GLI3: variants seen among roughly 807,000 people sequenced by gnomAD.
GLI3 encodes transcription activator GLI3.
GLI3 carries 20 observed loss-of-function variants against 100.8 expected under a neutral mutation model. The ratio of observed to expected loss-of-function variants is 0.20; its 90% CI spans 0.14 to 0.29. The LOEUF (loss-of-function observed/expected upper bound fraction) is 0.29. Among genes scored for constraint, GLI3 ranks in the 10% least tolerant of loss-of-function variants. The pLI is 1.00. For synonymous variants in GLI3, 938 were observed against 860.5 expected, an observed-to-expected ratio of 1.09 and a Z score of -1.58; for missense variants, 2,040 against 2,128.5, an observed-to-expected ratio of 0.96 and a Z score of 0.82.
At chr7:42,259,407 A>G (rs761812192) in intron 1 of GLI3, among the ~76,000 whole-genome samples, 1 of 152,222 alleles carries the variant, frequency 6.6e-6, no homozygotes, top group Non-Finnish European at 1.5e-5. Flanking sequence ...GTGCTTAAGA[A>G]TGTAGCTGTT....
intron 10 of GLI3, among the ~76,000 whole-genome samples, chr7:42,010,570 C>T (rs1256220911): frequency 3.9e-5 from 6 of 152,086 alleles, no homozygotes; most frequent in African/African-American, 9.7e-5. Context: ...GTGTTATATT[C>T]GCTTTCAATG....
chr7:42,059,155 G>A (rs1784518782), intron 4 of GLI3, among the ~76,000 whole-genome samples: 1 of 152,032 alleles, frequency 6.6e-6, no homozygotes. Flanking sequence ...TGAACCAAAT[G>A]GCAGATGACA....
In GLI3 at chr7:41,966,348, C is replaced by T; in HGVS notation, c.2725G>A (p.Ala909Thr). The T allele has an allele frequency of 6.2e-7, 1 of 1,608,124 alleles. No individual in the cohort carries two copies. Among genetic ancestry groups the T allele is most frequent in the Non-Finnish European group, 8.5e-7 (1 of 1,179,238 alleles). ...STDASRRSSE[A>T]SQSDGLPSLL... Reference sequence around the variant, plus strand: ...CTGGGCAGGCCGTCGCTCTGGCTGGCTTCGCTGGAGCGGCGCGAGGCGTCG... The same window carrying T: ...CTGGGCAGGCCGTCGCTCTGGCTGGTTTCGCTGGAGCGGCGCGAGGCGTCG... The change falls in exon 15 of 15, where the codon GCC (alanine) becomes ACC (threonine). Residue 909 changes from alanine to threonine, a missense_variant. By Grantham distance (58) the Ala-to-Thr change is moderately conservative. Coordinates refer to ENST00000395925, the MANE Select transcript of GLI3 (RefSeq NM_000168.6). This position sits in a 1 kb window ranked among gnomAD's most constrained non-coding sequence, Gnocchi z 5.8.
At chr7:42,211,728 C>T (rs113701142) in intron 2 of GLI3, among the ~76,000 whole-genome samples, 8 of 152,300 alleles carry the variant, frequency 5.3e-5, no homozygotes, top group African/African-American at 1.9e-4. Context: ...GTATTCATAA[C>T]TGCCACGCCA....
At chr7:42,122,400 A>C (rs1463165554) in intron 3 of GLI3, among the ~76,000 whole-genome samples, 1 of 152,142 alleles carries the variant, frequency 6.6e-6, no homozygotes, top group Non-Finnish European at 1.5e-5. Flanking sequence ...TGGAACAGGA[A>C]ACTAGACTGT....
chr7:42,233,482 A>C (rs1403561403), intron 1 of GLI3, among the ~76,000 whole-genome samples: 1 of 152,226 alleles, frequency 6.6e-6, no homozygotes, highest in African/African-American at 2.4e-5. Context: ...AGTTAAACAC[A>C]AATGCATAGA....
chr7:42,064,948 G>T (rs549464867), intron 4 of GLI3, among the ~76,000 whole-genome samples: 1 of 152,144 alleles, frequency 6.6e-6, no homozygotes, highest in East Asian at 1.9e-4. Flanking sequence ...GCTCACAGAG[G>T]TCAGACCCCA....
rs770430876 is a variant in GLI3 at position 41,965,958 on chromosome 7, C to T, written c.3115G>A (p.Ala1039Thr). 3.1e-6 allele frequency: 5 copies of T among 1,610,680 alleles called. No individual in the cohort carries two copies. The South Asian group carries it at 4.4e-5, about 14-fold the overall frequency. The stretch of plus-strand genomic sequence containing the variant: ...TGAAGCACGAGACTGCGCTTCTCCG[C>T]GGACGTGGCCATCGCCGGGGGGTTG... ...SCNPPAMATS[A>T]EKRSLVLQNY... Residue 1039 changes from alanine to threonine, a missense_variant, in exon 15 of 15, where the codon GCG (alanine) becomes ACG (threonine). Transcript: ENST00000395925.
At chr7:42,017,986 A>G (rs1218329447) in intron 10 of GLI3, among the ~76,000 whole-genome samples, 1 of 152,148 alleles carries the variant, frequency 6.6e-6, no homozygotes, top group African/African-American at 2.4e-5. Context: ...ATAACGTTCT[A>G]AGGGGTCAAA....
rs1416002897 is a variant in GLI3 at position 42,038,879 on chromosome 7, GT to G, written c.1028+1158del. Among the ~76,000 whole-genome samples the G allele has an allele frequency of 5.9e-5, 9 of 152,254 alleles. No individual in the cohort carries two copies. In the South Asian group the frequency reaches 1.0e-3, roughly 18 times the overall value. On this transcript the variant is annotated intron_variant, in intron 7 of 14. Coordinates refer to ENST00000395925, the MANE Select transcript of GLI3 (RefSeq NM_000168.6). ...ACACTTTTTTTTCTGAACTGATGAA[GT>G]TTCCCTAATTGTAATCTACCATGGA...
intron 2 of GLI3, chr7:42,172,714 G>A: frequency 1.5e-6 from 1 of 684,582 alleles, no homozygotes; most frequent in Non-Finnish European, 2.7e-6. Flanking sequence ...GTTTTCAGCA[G>A]TGGAGCTGAG....
chr7:41,999,260 T>C (rs1788220081), intron 10 of GLI3, among the ~76,000 whole-genome samples: 1 of 152,178 alleles, frequency 6.6e-6, no homozygotes, highest in African/African-American at 2.4e-5. Context: ...CATCACTGTA[T>C]GCACAACAGC....
At chr7:42,114,725 G>A (rs1468832719) in intron 3 of GLI3, among the ~76,000 whole-genome samples, 3 of 152,030 alleles carry the variant, frequency 2.0e-5, no homozygotes, top group African/African-American at 7.2e-5. Context: ...TTTGTGAGAT[G>A]GAGTCTTGCC....
intron 10 of GLI3, among the ~76,000 whole-genome samples, chr7:41,999,318 G>A (rs998313624): frequency 1.3e-5 from 2 of 152,138 alleles, no homozygotes; most frequent in African/African-American, 2.4e-5. Flanking sequence ...ACAGAGCAGC[G>A]TAGTCTTGAC....
chr7:42,119,517 C>T (rs1785944598), intron 3 of GLI3, among the ~76,000 whole-genome samples: 1 of 152,174 alleles, frequency 6.6e-6, no homozygotes, highest in Non-Finnish European at 1.5e-5. Context: ...GGTTCTTACC[C>T]TAGGCATTAA....
chr7:42,194,442 G>A (rs1024034327), intron 2 of GLI3, among the ~76,000 whole-genome samples: 2 of 152,086 alleles, frequency 1.3e-5, no homozygotes. Flanking sequence ...CAACTTTTCT[G>A]GCTCTGCTTC....
intron 2 of GLI3, among the ~76,000 whole-genome samples, chr7:42,219,213 T>A (rs1258394861): frequency 2.0e-5 from 3 of 152,216 alleles, no homozygotes; most frequent in Non-Finnish European, 4.4e-5. Flanking sequence ...ATGCCACAAA[T>A]GATCACTTAA....
upstream of GLI3, among the ~76,000 whole-genome samples, chr7:42,242,072 A>G (rs1328279363): frequency 6.6e-6 from 1 of 152,040 alleles, no homozygotes; most frequent in East Asian, 1.9e-4. Context: ...TGGTGGTTTC[A>G]CCTGTCTCTT....
At chr7:41,985,234 T>A (rs1343593735) in intron 10 of GLI3, among the ~76,000 whole-genome samples, 1 of 152,258 alleles carries the variant, frequency 6.6e-6, no homozygotes, top group Non-Finnish European at 1.5e-5. Context: ...AAACATTCTC[T>A]TCTCAGAATG....
Sources: allele counts gnomAD v4.1 joint callset (sites outside exome capture counted in the v4.1 genomes callset), GRCh38; gene constraint gnomAD v4.1.1; non-coding constraint Gnocchi (gnomAD v3.1); transcripts MANE v1.5; gene names NCBI Gene and HGNC (gene_info 2026-07-23, HGNC 2026-07-21).